ARIH1: variants seen among roughly 807,000 people sequenced by gnomAD.
The protein encoded by ARIH1 is ariadne RBR E3 ubiquitin protein ligase 1.
Under a neutral mutation model 85.0 loss-of-function variants are expected in ARIH1, and 8 were observed. The ratio of observed to expected loss-of-function variants is 0.09; its 90% CI spans 0.06 to 0.17. The LOEUF is 0.17. ARIH1 is among the 10% of genes least tolerant of loss of function. ARIH1 has a pLI of 1.00. For synonymous variants in ARIH1, 238 were observed against 253.6 expected, an observed-to-expected ratio of 0.94 and a Z score of 0.59; for missense variants, 311 against 718.1, an observed-to-expected ratio of 0.43 and a Z score of 6.48.
intron 1 of ARIH1, among the ~76,000 whole-genome samples, chr15:72,486,849 A>C (rs2063839649): frequency 6.6e-6 from 1 of 151,432 alleles, no homozygotes; most frequent in Admixed American, 6.6e-5. Flanking sequence ...ATGCATCACC[A>C]CACCTGGCTA....
rs559034089 is a variant in ARIH1, at chr15:72,602,719, T to C, written c.*19427T>C. The C allele has an allele frequency of 6.6e-6, 1 of 152,398 alleles. No individual in the cohort carries two copies. Among genetic ancestry groups the C allele is most frequent in the South Asian group, 2.1e-4 (1 of 4,828 alleles). The allele number at this position is 152,398 out of a possible 1,614,324, so 9.4% of individuals were successfully genotyped here. A position where few individuals can be genotyped will look rare whatever the true frequency, so the allele number is the denominator to read the frequency against. ...GACTGACTTTTTCTTCTTCACCCTG[T>C]CCGGCACTGTGCCCTTATTAGCCAG... On this transcript the variant is annotated 3_prime_UTR_variant, in exon 14 of 14. Coordinates refer to ENST00000379887, the MANE Select transcript of ARIH1 (RefSeq NM_005744.5).
rs1353299028 is a variant in ARIH1, at chr15:72,586,727, G to C, written c.*3435G>C. ...GCCCATTCCCCCAACATTTAACTTG[G>C]TTAATGAAGCTTTCAGAGCATTTTC... On this transcript the variant is annotated 3_prime_UTR_variant, in exon 14 of 14. Transcript: ENST00000379887. 1.3e-5 allele frequency: 2 copies of C among 153,810 alleles called. No individual in the cohort carries two copies. Among genetic ancestry groups the C allele is most frequent in the Non-Finnish European group, 2.9e-5 (2 of 69,382 alleles). 9.5% of individuals were successfully genotyped at this position (153,810 alleles called of 1,614,324 possible). A position where few individuals can be genotyped will look rare whatever the true frequency, so the allele number is the denominator to read the frequency against.
intron 1 of ARIH1, among the ~76,000 whole-genome samples, chr15:72,492,302 CTGAA>C (rs1387886764): frequency 2.0e-5 from 3 of 152,128 alleles, no homozygotes; most frequent in South Asian, 4.1e-4. Context: ...CAGCATTCTT[CTGAA>C]AGAAGCACCA....
At chr15:72,504,488 A>G (rs1046910226) in intron 1 of ARIH1, among the ~76,000 whole-genome samples, 2 of 152,104 alleles carry the variant, frequency 1.3e-5, no homozygotes, top group African/African-American at 4.8e-5. Flanking sequence ...AATGGCTCTT[A>G]GCAGAGAGGG....
chr15:72,572,013 G>T (rs1368159791), intron 10 of ARIH1, 95 bp from the exon 11 acceptor site: 9 of 859,126 alleles, frequency 1.0e-5, no homozygotes, highest in Non-Finnish European at 1.5e-5. Context: ...GTTGGTGTTA[G>T]ATAATCTGTA....
intron 2 of ARIH1, among the ~76,000 whole-genome samples, chr15:72,527,272 T>C (rs1038585305): frequency 6.6e-6 from 1 of 152,214 alleles, no homozygotes; most frequent in Non-Finnish European, 1.5e-5. Context: ...GCTGCTGCCA[T>C]TGGGCACAGG....
chr15:72,533,774 G>A (rs1166678710), intron 2 of ARIH1, among the ~76,000 whole-genome samples: 2 of 152,046 alleles, frequency 1.3e-5, no homozygotes, highest in African/African-American at 2.4e-5. Context: ...ATGCATGGTG[G>A]CATCTGCTTG....
intron 1 of ARIH1, among the ~76,000 whole-genome samples, chr15:72,488,178 G>A (rs1285761175): frequency 6.6e-6 from 1 of 151,966 alleles, no homozygotes; most frequent in African/African-American, 2.4e-5. Context: ...TGGGACTACA[G>A]TTGCATGCCA....
chr15:72,507,420 G>C (rs1352327916), intron 1 of ARIH1, among the ~76,000 whole-genome samples: 2 of 152,154 alleles, frequency 1.3e-5, no homozygotes, highest in South Asian at 4.1e-4. Flanking sequence ...CACTGTGACT[G>C]CTTATTGGAA....
At chr15:72,570,541 AAGT>A (rs2064239094) in intron 10 of ARIH1, among the ~76,000 whole-genome samples, 1 of 152,206 alleles carries the variant, frequency 6.6e-6, no homozygotes, top group Admixed American at 6.5e-5. Flanking sequence ...TTAGTTATAA[AAGT>A]AGTAGGAAAA....
At chr15:72,572,385 G>A (rs1488025637) in intron 11 of ARIH1, 21 of 378,914 alleles carry the variant, frequency 5.5e-5, no homozygotes, top group Non-Finnish European at 8.0e-5. Context: ...TTACAGGTGC[G>A]CGCCACCACA....
At chr15:72,501,354 G>C (rs1394833635) in intron 1 of ARIH1, among the ~76,000 whole-genome samples, 1 of 152,092 alleles carries the variant, frequency 6.6e-6, no homozygotes, top group Non-Finnish European at 1.5e-5. Flanking sequence ...ATAATCTTAT[G>C]TTTGTTATTG....
At position 72,593,087 on chromosome 15, in the gene ARIH1, G is replaced by T. The variant is rs1035104068; in HGVS notation, c.*9795G>T. The stretch of plus-strand genomic sequence containing the variant: ...GTCTGTCAACATTTACACTGTCACT[G>T]TTTTTTATATTAGCCATTTTAGCAT... On this transcript the variant is annotated 3_prime_UTR_variant, in exon 14 of 14. Transcript: ENST00000379887. The T allele has an allele frequency of 6.6e-6, 1 of 152,068 alleles. No homozygotes were observed. Among genetic ancestry groups the T allele is most frequent in the Non-Finnish European group, 1.5e-5 (1 of 67,992 alleles). The allele number at this position is 152,068 out of a possible 1,614,324, so 9.4% of individuals were successfully genotyped here.
At chr15:72,484,763 A>G (rs2063830904) in intron 1 of ARIH1, among the ~76,000 whole-genome samples, 1 of 116,644 alleles carries the variant, frequency 8.6e-6, no homozygotes, top group Non-Finnish European at 1.9e-5. Context: ...GCATACATAT[A>G]TATGTGTATA....
At chr15:72,541,417 A>C (rs1293865929) in intron 2 of ARIH1, among the ~76,000 whole-genome samples, 1 of 152,228 alleles carries the variant, frequency 6.6e-6, no homozygotes. Flanking sequence ...AATTGGAATT[A>C]AGTAAATTAA....
At chr15:72,478,742 G>A (rs1298840672) in intron 1 of ARIH1, among the ~76,000 whole-genome samples, 1 of 152,184 alleles carries the variant, frequency 6.6e-6, no homozygotes, top group Non-Finnish European at 1.5e-5. Context: ...CACTGGAATA[G>A]TGATAGTTAA....
At chr15:72,575,366 G>A (rs2064265954) in intron 11 of ARIH1, among the ~76,000 whole-genome samples, 1 of 151,924 alleles carries the variant, frequency 6.6e-6, no homozygotes, top group African/African-American at 2.4e-5. Flanking sequence ...ATTGAGTGCG[G>A]GAGTTTGAGA....
intron 1 of ARIH1, among the ~76,000 whole-genome samples, chr15:72,505,180 G>C (rs1183028330): frequency 6.6e-6 from 1 of 152,112 alleles, no homozygotes; most frequent in Admixed American, 6.5e-5. Context: ...ATGGCTGTTG[G>C]GACCTGGGAT....
intron 8 of ARIH1, among the ~76,000 whole-genome samples, 173 bp from the exon 9 acceptor site, chr15:72,566,933 A>C (rs2064223534): frequency 6.6e-6 from 1 of 152,176 alleles, no homozygotes; most frequent in South Asian, 2.1e-4. Flanking sequence ...GGTTGATTTT[A>C]TATATACTGG....
Sources: allele counts gnomAD v4.1 joint callset (sites outside exome capture counted in the v4.1 genomes callset), GRCh38; gene constraint gnomAD v4.1.1; transcripts MANE v1.5; gene names NCBI Gene and HGNC (gene_info 2026-07-23, HGNC 2026-07-21).